SPPL3: variants seen among roughly 807,000 people sequenced by gnomAD.
SPPL3 encodes signal peptide peptidase like 3, also known as signal peptide peptidase-like 3.
SPPL3 carries 5 observed loss-of-function variants against 42.4 expected under a neutral mutation model. That is an observed-to-expected ratio of 0.12 (90% CI 0.06 to 0.25). The LOEUF is 0.25. SPPL3 is among the 10% of genes least tolerant of loss of function. The pLI is 1.00. For missense variants in SPPL3, 235 were observed against 489.0 expected, an observed-to-expected ratio of 0.48 and a Z score of 4.90; for synonymous variants, 195 against 181.8, an observed-to-expected ratio of 1.07 and a Z score of -0.58.
chr12:120,852,447 T>C (rs2461476), intron 1 of SPPL3, among the ~76,000 whole-genome samples: 416 of 10,236 alleles, frequency 0.041, 13 homozygotes, highest in African/African-American at 0.06. Context: ...GAAATATATG[T>C]ATATATAATA....
intron 2 of SPPL3, among the ~76,000 whole-genome samples, chr12:120,795,515 G>GT (rs1244507251): frequency 3.3e-5 from 5 of 152,268 alleles, no homozygotes; most frequent in South Asian, 4.1e-4. Flanking sequence ...TACAGTGACA[G>GT]TTTTTTTCTT....
intron 5 of SPPL3, 27 bp downstream of exon 5, chr12:120,783,647 T>C (rs530608305): frequency 6.4e-7 from 1 of 1,570,122 alleles, no homozygotes; most frequent in East Asian, 2.2e-5. Context: ...AAGTTTATAA[T>C]TTAAGAGGAA....
chr12:120,812,873 T>C lies in SPPL3; in HGVS notation c.24-1987A>G, dbSNP rs117316487. On this transcript the variant is annotated intron_variant, in intron 1 of 10. Coordinates refer to ENST00000353487, the MANE Select transcript of SPPL3 (RefSeq NM_139015.5). ...GTTAAAGGATTAAATGAGGAATTCA[T>C]ATAAAGAACATAACACATTAAATAC... Among the ~76,000 whole-genome samples the C allele has an allele frequency of 2.2e-4, 34 of 152,264 alleles. 1 individual carries two copies. The East Asian group carries it at 6.4e-3, about 28-fold the overall frequency.
intron 1 of SPPL3, among the ~76,000 whole-genome samples, chr12:120,893,118 C>A (rs1873695614): frequency 6.6e-6 from 1 of 151,824 alleles, no homozygotes; most frequent in Non-Finnish European, 1.5e-5. Context: ...CTTAATAATT[C>A]TTTAAAAGGT....
chr12:120,817,281 C>T (rs1050697319), intron 1 of SPPL3, among the ~76,000 whole-genome samples: 4 of 152,072 alleles, frequency 2.6e-5, no homozygotes, highest in Admixed American at 6.6e-5. Flanking sequence ...GGTGACAGAG[C>T]GAGACCCTGT....
intron 2 of SPPL3, among the ~76,000 whole-genome samples, chr12:120,809,676 T>C (rs1870617580): frequency 6.6e-6 from 1 of 152,306 alleles, no homozygotes; most frequent in Admixed American, 6.5e-5. Context: ...CTCTAGTGTC[T>C]ATATTTTCCC....
intron 1 of SPPL3, among the ~76,000 whole-genome samples, chr12:120,846,982 G>C (rs1280009238): frequency 6.6e-6 from 1 of 152,148 alleles, no homozygotes; most frequent in African/African-American, 2.4e-5. Context: ...TAAGTAGTAT[G>C]TTTATTATAA....
In SPPL3 at chr12:120,827,936, C is replaced by T. The variant is rs560164391; in HGVS notation, c.24-17050G>A. 1.9e-4 allele frequency among the ~76,000 whole-genome samples: 29 copies of T among 152,136 alleles called. No homozygotes were observed. The South Asian group carries it at 3.1e-3, about 16-fold the overall frequency. On this transcript the variant is annotated intron_variant, in intron 1 of 10. Transcript: ENST00000353487. ...CCGAGGAGCTGGGACTACAGGTGCA[C>T]ACCACCACACCTAGCTAATTTTTGT...
intron 1 of SPPL3, chr12:120,903,412 A>C: frequency 5.6e-6 from 1 of 178,962 alleles, no homozygotes. Context: ...TGTTCTCACT[A>C]GAGCTTCCTC....
At chr12:120,849,038 T>C (rs1713059813) in intron 1 of SPPL3, among the ~76,000 whole-genome samples, 1 of 151,948 alleles carries the variant, frequency 6.6e-6, no homozygotes, top group Non-Finnish European at 1.5e-5. Flanking sequence ...GTGGCACATG[T>C]CTATATTCTT....
chr12:120,838,679 T>C (rs1308107736), intron 1 of SPPL3, among the ~76,000 whole-genome samples: 3 of 152,216 alleles, frequency 2.0e-5, no homozygotes, highest in Non-Finnish European at 2.9e-5. Context: ...AAGTCAGAAT[T>C]AGAGGTATTG....
intron 2 of SPPL3, among the ~76,000 whole-genome samples, chr12:120,796,603 T>C (rs750636333): frequency 9.2e-5 from 14 of 152,244 alleles, no homozygotes; most frequent in Non-Finnish European, 1.6e-4. Context: ...TCTAAATATT[T>C]TTTATTCCTA....
At chr12:120,852,724 A>ATG (rs1566060840) in intron 1 of SPPL3, among the ~76,000 whole-genome samples, 25,756 of 53,202 alleles carry the variant, frequency 0.48, 9,801 homozygotes, top group Non-Finnish European at 0.65. Flanking sequence ...TATATTTTAT[A>ATG]TATAATATAC....
chr12:120,846,648 C>A (rs1268144983), intron 1 of SPPL3, among the ~76,000 whole-genome samples: 1 of 151,778 alleles, frequency 6.6e-6, no homozygotes, highest in South Asian at 2.1e-4. Flanking sequence ...AAACTTGCAA[C>A]AAATTAGATA....
chr12:120,771,866 T>C (rs1166293109), intron 6 of SPPL3, among the ~76,000 whole-genome samples: 2 of 152,186 alleles, frequency 1.3e-5, no homozygotes, highest in African/African-American at 4.8e-5. Flanking sequence ...TTCAACACAA[T>C]TTCCCGCTCT....
chr12:120,849,202 A>G (rs1872145625), intron 1 of SPPL3, among the ~76,000 whole-genome samples: 1 of 151,708 alleles, frequency 6.6e-6, no homozygotes. Flanking sequence ...AAAGAAAACA[A>G]TAATAATAAA....
intron 1 of SPPL3, among the ~76,000 whole-genome samples, chr12:120,902,291 TATC>T (rs751420441): frequency 6.6e-6 from 1 of 152,232 alleles, no homozygotes; most frequent in South Asian, 2.1e-4. Context: ...TCTTAAGAAT[TATC>T]ATCTTCAATC....
intron 1 of SPPL3, among the ~76,000 whole-genome samples, chr12:120,854,162 A>C (rs1400871335): frequency 6.6e-6 from 1 of 152,150 alleles, no homozygotes; most frequent in African/African-American, 2.4e-5. Flanking sequence ...ACGGCTCTTC[A>C]AGGAGTAAAT....
chr12:120,903,723 C>G, intron 1 of SPPL3, 122 bp downstream of exon 1: 1 of 674,542 alleles, frequency 1.5e-6, no homozygotes, highest in South Asian at 2.1e-5. Context: ...GGCGTGCACC[C>G]CAACCCGCGC....
Sources: gnomAD v4.1 joint callset for allele counts (sites outside exome capture counted in the v4.1 genomes callset) on GRCh38, gnomAD v4.1.1 for gene constraint, MANE v1.5 for transcripts, NCBI Gene and HGNC (gene_info 2026-07-23, HGNC 2026-07-21) for gene names.